SMARCB1: variants seen among roughly 807,000 people sequenced by gnomAD.
The protein encoded by SMARCB1 is SWI/SNF-related matrix-associated actin-dependent regulator of chromatin subfamily B member 1.
In SMARCB1, 5 loss-of-function variants were observed where a neutral mutation model predicts 49.0. The observed-to-expected ratio is 0.10, with a 90% CI of 0.05 to 0.21. The LOEUF (loss-of-function observed/expected upper bound fraction) is 0.21. SMARCB1 is among the 10% of genes least tolerant of loss of function. The probability of loss-of-function intolerance (pLI) is 1.00; values close to 1 mark genes in which losing one functional copy is unlikely to be tolerated. For synonymous variants in SMARCB1, 201 were observed against 200.1 expected (o/e 1.00, Z -0.04); for missense variants, 226 against 509.2 (o/e 0.44, Z 5.35).
intron 5 of SMARCB1, among the ~76,000 whole-genome samples, chr22:23,809,603 G>T (rs984071465): frequency 6.6e-6 from 1 of 151,546 alleles, no homozygotes; most frequent in African/African-American, 2.4e-5. Context: ...AGTAGAGACG[G>T]GGTTTCACTG....
intron 3 of SMARCB1, among the ~76,000 whole-genome samples, chr22:23,798,605 G>A (rs1361857147): frequency 6.6e-6 from 1 of 152,096 alleles, no homozygotes; most frequent in Non-Finnish European, 1.5e-5. Context: ...CTCAGCATCA[G>A]ACGTGTAAGT....
intron 1 of SMARCB1, among the ~76,000 whole-genome samples, chr22:23,790,199 G>C (rs778627307): frequency 6.6e-6 from 1 of 152,058 alleles, no homozygotes; most frequent in Non-Finnish European, 1.5e-5. Flanking sequence ...GTAGTCATAG[G>C]GGGGAGTATT....
chr22:23,803,471 T>C, intron 5 of SMARCB1, 49 bp downstream of exon 5: 1 of 1,609,090 alleles, frequency 6.2e-7, no homozygotes, highest in Non-Finnish European at 8.5e-7. Context: ...CCCTGTGTGT[T>C]ACGTGGGAAC....
At position 23,803,736 on chromosome 22, in the gene SMARCB1, G is replaced by A. The variant is rs78280784; in HGVS notation, c.628+314G>A. 15,432 of 434,320 alleles carry A rather than the reference G, an allele frequency of 0.036. 387 individuals are homozygous for A. The highest frequency in any genetic ancestry group is 0.11 in the East Asian group (2,221 of 20,808). 26.9% of individuals were successfully genotyped at this position (434,320 alleles called of 1,614,324 possible). On this transcript the variant is annotated intron_variant, in intron 5 of 8. Transcript: ENST00000644036. ...GCCAGTCAGACCTAGTTCAGCCCCC[G>A]AGCCCTGCACACACCTGCCTTGGGT...
rs2146045713 is a variant in SMARCB1, at chr22:23,834,208, G to T, written c.*28G>T. On this transcript the variant is annotated 3_prime_UTR_variant, in exon 9 of 9. Transcript: ENST00000644036. ...AGCCCATCAGCACACGGCTCCCACG[G>T]AGCATCTCAGAAGATTGGGCCGCCT... 6.4e-7 allele frequency: 1 copy of T among 1,571,138 alleles called. No individual in the cohort carries two copies.
At chr22:23,829,217 A>G (rs6003898) in intron 7 of SMARCB1, among the ~76,000 whole-genome samples, 34,692 of 152,120 alleles carry the variant, frequency 0.23, 5,726 homozygotes, top group African/African-American at 0.47. Context: ...CATGTGCATG[A>G]CTATCAGTGT....
chr22:23,834,455 C>G lies in SMARCB1; in HGVS notation c.*275C>G. On this transcript the variant is annotated 3_prime_UTR_variant, in exon 9 of 9. Coordinates refer to ENST00000644036, the MANE Select transcript of SMARCB1 (RefSeq NM_003073.5). ...TTGTGTTTTGTTTTTGTATAGGAGCCCCAGGCAGGGCTAGTAACAGTTTTT... is the reference window on the plus strand; with the variant it reads ...TTGTGTTTTGTTTTTGTATAGGAGCGCCAGGCAGGGCTAGTAACAGTTTTT... 2 of 688,936 alleles carry G rather than the reference C, an allele frequency of 2.9e-6. No homozygotes were observed. 42.7% of individuals were successfully genotyped at this position (688,936 alleles called of 1,614,324 possible). A position where few individuals can be genotyped will look rare whatever the true frequency, so the allele number is the denominator to read the frequency against.
chr22:23,837,523 G>T lies in SMARCB1; in HGVS notation c.*3343G>T. On this transcript the variant is annotated 3_prime_UTR_variant, in exon 9 of 9. Transcript: ENST00000644036. ...GGGGCTGTAAGAGCACAGCAGCTGGGAGGGCAGGAAGATGGGGATGGAGCC... is the reference window on the plus strand; with the variant it reads ...GGGGCTGTAAGAGCACAGCAGCTGGTAGGGCAGGAAGATGGGGATGGAGCC... The T allele has an allele frequency of 1.1e-6, 1 of 928,620 alleles. No homozygotes were observed. Among genetic ancestry groups the T allele is most frequent in the Non-Finnish European group, 1.6e-6 (1 of 623,406 alleles). The allele number at this position is 928,620 out of a possible 1,614,324, so 57.5% of individuals were successfully genotyped here.
At chr22:23,801,580 C>G (rs1051891613) in intron 4 of SMARCB1, 20 of 356,318 alleles carry the variant, frequency 5.6e-5, no homozygotes, top group South Asian at 1.7e-4. Flanking sequence ...CATGCTCCCT[C>G]CAGAGGCCAT....
chr22:23,816,514 A>G (rs977281920), intron 5 of SMARCB1: 4 of 598,198 alleles, frequency 6.7e-6, no homozygotes, highest in African/African-American at 1.9e-5. Flanking sequence ...CTATGAGTGG[A>G]ATGAGGGAAG....
In SMARCB1 at chr22:23,835,070, G is replaced by A. The variant is rs1270784000; in HGVS notation, c.*890G>A. The A allele has an allele frequency of 1.9e-5, 26 of 1,396,190 alleles. No homozygotes were observed. Among genetic ancestry groups the A allele is most frequent in the Non-Finnish European group, 1.3e-5 (14 of 1,078,232 alleles). 86.5% of individuals were successfully genotyped at this position (1,396,190 alleles called of 1,614,324 possible). ...CACCCCAGCAGGTGCTGTGGCCTGGGCCAGCTCCTGCCTTACAAGCCAGCT... is the reference window on the plus strand; with the variant it reads ...CACCCCAGCAGGTGCTGTGGCCTGGACCAGCTCCTGCCTTACAAGCCAGCT... On this transcript the variant is annotated 3_prime_UTR_variant, in exon 9 of 9. Coordinates refer to ENST00000644036, the MANE Select transcript of SMARCB1 (RefSeq NM_003073.5).
At chr22:23,819,408 G>A (rs1448736729) in intron 6 of SMARCB1, among the ~76,000 whole-genome samples, 8 of 152,032 alleles carry the variant, frequency 5.3e-5, no homozygotes, top group Non-Finnish European at 1.2e-4. Flanking sequence ...TTGGCTCATG[G>A]CACTCCTGCC....
At chr22:23,821,360 A>G (rs951290572) in intron 6 of SMARCB1, among the ~76,000 whole-genome samples, 7 of 152,182 alleles carry the variant, frequency 4.6e-5, no homozygotes, top group Admixed American at 3.3e-4. Context: ...GAGGAATAGA[A>G]GGTCACACCC....
At position 23,816,834 on chromosome 22, in the gene SMARCB1, G is replaced by A. The variant is rs771935714; in HGVS notation, c.693G>A (p.Leu231=). 2 of 1,614,088 alleles carry A rather than the reference G, an allele frequency of 1.2e-6. No homozygotes were observed. The highest frequency in any genetic ancestry group is 1.7e-6 in the Non-Finnish European group (2 of 1,179,970). The change falls in exon 6 of 9, where the codon CTG becomes CTA. Residue 231 remains leucine, a synonymous_variant. Transcript: ENST00000644036. ...ILCDDLDLNP[L]TFVPAIASAI... ...GTGACGATCTGGATTTGAACCCGCT[G>A]ACGTTTGTGCCAGCCATCGCCTCTG...
intron 1 of SMARCB1, 122 bp from the exon 2 acceptor site, chr22:23,791,634 C>A: frequency 2.2e-6 from 2 of 900,626 alleles, no homozygotes; most frequent in Non-Finnish European, 3.7e-6. Context: ...CTGCCGAAAG[C>A]GTGGCGCCTG....
In SMARCB1 at chr22:23,803,252, G is replaced by A. The variant is rs766067346; in HGVS notation, c.501-43G>A. ...GAGGCTGAAAATTTGCATACCTAGGGCTCCGGCCCCCTCGCTGACTGTTGC... is the reference window on the plus strand; with the variant it reads ...GAGGCTGAAAATTTGCATACCTAGGACTCCGGCCCCCTCGCTGACTGTTGC... On this transcript the variant is annotated intron_variant, in intron 4 of 8. Transcript: ENST00000644036. 3.1e-6 allele frequency: 5 copies of A among 1,613,452 alleles called. No individual in the cohort carries two copies. The South Asian group carries it at 3.3e-5, about 11-fold the overall frequency.
chr22:23,811,297 A>G (rs997357803), intron 5 of SMARCB1, among the ~76,000 whole-genome samples: 7 of 152,256 alleles, frequency 4.6e-5, no homozygotes, highest in South Asian at 2.1e-4. Context: ...CAAATTCACA[A>G]TCATTGGAGA....
Position 23,837,241 on chromosome 22 carries a change from C to T in SMARCB1, c.*3061C>T, listed in dbSNP as rs1229093273. On this transcript the variant is annotated 3_prime_UTR_variant, in exon 9 of 9. Transcript: ENST00000644036. Reference sequence around the variant, plus strand: ...GCCTGCCCCAGGCCCCCATCCACAGCCTGGTGGCCCTGCAGGCCCCACAGC... The same window carrying T: ...GCCTGCCCCAGGCCCCCATCCACAGTCTGGTGGCCCTGCAGGCCCCACAGC... The T allele has an allele frequency of 6.7e-7, 1 of 1,498,824 alleles. No individual in the cohort carries two copies. The highest frequency in any genetic ancestry group is 2.4e-5 in the East Asian group (1 of 41,402). 92.8% of individuals were successfully genotyped at this position (1,498,824 alleles called of 1,614,324 possible).
Position 23,834,856 on chromosome 22 carries a change from TCCCTGGGCCG to T in SMARCB1, c.*683_*692del. ...GAAGGTGCCGCGAGCTCTCCTGCCG[TCCCTGGGCCG>T]CCCTGGCTCTGCTGTGTCCAGATGG... On this transcript the variant is annotated 3_prime_UTR_variant, in exon 9 of 9. Coordinates refer to ENST00000644036, the MANE Select transcript of SMARCB1 (RefSeq NM_003073.5). 6.2e-7 allele frequency: 1 copy of T among 1,612,564 alleles called. No individual in the cohort carries two copies. The highest frequency in any genetic ancestry group is 8.5e-7 in the Non-Finnish European group (1 of 1,179,752).
Sources: gnomAD v4.1 joint callset for allele counts (sites outside exome capture counted in the v4.1 genomes callset) on GRCh38, gnomAD v4.1.1 for gene constraint, MANE v1.5 for transcripts, NCBI Gene and HGNC (gene_info 2026-07-23, HGNC 2026-07-21) for gene names.